PCCA: variants seen among roughly 807,000 people sequenced by gnomAD.
PCCA encodes the protein propionyl-CoA carboxylase subunit alpha.
A neutral mutation model predicts 101.3 loss-of-function variants in PCCA; 74 were observed. That is an observed-to-expected ratio of 0.73 (90% confidence interval 0.61 to 0.89). The LOEUF is 0.89. PCCA is among the 40% of genes least tolerant of loss of function. The pLI is 0.00. For synonymous variants in PCCA, 294 were observed against 313.6 expected (o/e 0.94, Z 0.66); for missense variants, 891 against 907.0 (o/e 0.98, Z 0.23).
intron 12 of PCCA, among the ~76,000 whole-genome samples, chr13:100,274,212 C>T (rs2063491466): frequency 6.6e-6 from 1 of 152,274 alleles, no homozygotes; most frequent in Non-Finnish European, 1.5e-5. Flanking sequence ...ACCTAAGCAG[C>T]ATTATTACTT....
At chr13:100,189,536 A>G (rs950498893) in intron 6 of PCCA, among the ~76,000 whole-genome samples, 40 of 151,974 alleles carry the variant, frequency 2.6e-4, no homozygotes, top group Middle Eastern at 6.8e-3. Context: ...GTTTTCTCCC[A>G]CTCTGTGGGT....
intron 4 of PCCA, among the ~76,000 whole-genome samples, chr13:100,130,267 C>G (rs2050372562): frequency 1.3e-5 from 2 of 152,234 alleles, no homozygotes; most frequent in Non-Finnish European, 2.9e-5. Flanking sequence ...TCCTTTGCTG[C>G]TTGTTCCTGC....
At chr13:100,425,530 G>A in intron 19 of PCCA, 103 bp from the exon 20 acceptor site, 1 of 778,928 alleles carries the variant, frequency 1.3e-6, no homozygotes. Flanking sequence ...GGTTGTTTGG[G>A]AGCCATCTGT....
intron 18 of PCCA, among the ~76,000 whole-genome samples, chr13:100,352,576 T>A (rs1392739650): frequency 6.6e-6 from 1 of 151,922 alleles, no homozygotes; most frequent in Non-Finnish European, 1.5e-5. Context: ...TATTTTTAAA[T>A]AGAGATGAGG....
At chr13:100,125,958 G>A (rs2049915483) in intron 4 of PCCA, among the ~76,000 whole-genome samples, 1 of 152,134 alleles carries the variant, frequency 6.6e-6, no homozygotes, top group African/African-American at 2.4e-5. Flanking sequence ...TGGGAGTTGT[G>A]GACTAATCAA....
chr13:100,426,039 T>C (rs1376499124), intron 20 of PCCA, among the ~76,000 whole-genome samples: 1 of 152,168 alleles, frequency 6.6e-6, no homozygotes, highest in African/African-American at 2.4e-5. Context: ...TGTGGGTTTT[T>C]AGTTGTAAAA....
chr13:100,228,145 A>G (rs1003537827), intron 7 of PCCA, among the ~76,000 whole-genome samples: 5 of 151,864 alleles, frequency 3.3e-5, no homozygotes, highest in African/African-American at 1.2e-4. Context: ...CCCCCGGAGT[A>G]GCTGGGATTA....
chr13:100,520,495 C>T (rs998104182), intron 22 of PCCA, among the ~76,000 whole-genome samples: 36 of 151,860 alleles, frequency 2.4e-4, no homozygotes, highest in Admixed American at 8.5e-4. Flanking sequence ...ATTAGCCGGG[C>T]GCAGTGGCGG....
chr13:100,305,232 C>T lies in PCCA; in HGVS notation c.1285-1960C>T, dbSNP rs370180775. The stretch of plus-strand genomic sequence containing the variant: ...GTGTTTATATATATCTTGATTTTAT[C>T]GTATGTATTTTAAAGTTAAGATGAC... On this transcript the variant is annotated intron_variant, in intron 14 of 23. Transcript: ENST00000376285. 9.9e-4 allele frequency among the ~76,000 whole-genome samples: 150 copies of T among 152,104 alleles called. 4 individuals carry two copies. The South Asian group carries it at 0.028, about 29-fold the overall frequency.
At chr13:100,352,184 A>G (rs1004519234) in intron 18 of PCCA, among the ~76,000 whole-genome samples, 1 of 152,176 alleles carries the variant, frequency 6.6e-6, no homozygotes, top group African/African-American at 2.4e-5. Context: ...TAATTATATT[A>G]AATGCAGATG....
intron 4 of PCCA, among the ~76,000 whole-genome samples, chr13:100,144,467 G>C (rs1425507560): frequency 1.3e-5 from 2 of 152,100 alleles, no homozygotes; most frequent in Admixed American, 1.3e-4. Context: ...TTTAGGACTG[G>C]TATGATCACT....
In PCCA at chr13:100,447,672, C is replaced by CAAA. The variant is rs548052967; in HGVS notation, c.1846-1569_1846-1567dup. Among the ~76,000 whole-genome samples, 8 of 134,558 alleles carry CAAA rather than the reference C, an allele frequency of 5.9e-5. No homozygotes were observed. In the South Asian group the frequency reaches 1.9e-3, roughly 32 times the overall value. The allele number at this position is 134,558 out of a possible 152,430, so 88.3% of individuals were successfully genotyped here. A position where few individuals can be genotyped will look rare whatever the true frequency, so the allele number is the denominator to read the frequency against. ...GGGTGACAAGAATGAAACTCTGTCT[C>CAAA]AAAAAAAAAAAAAGAAAGAAGTGAC... On this transcript the variant is annotated intron_variant, in intron 20 of 23. Coordinates refer to ENST00000376285, the MANE Select transcript of PCCA (RefSeq NM_000282.4).
intron 4 of PCCA, among the ~76,000 whole-genome samples, chr13:100,130,515 G>A (rs1194318438): frequency 6.6e-6 from 1 of 152,162 alleles, no homozygotes; most frequent in Admixed American, 6.5e-5. Context: ...AAGCACTCTC[G>A]AGGTGTGGGG....
intron 12 of PCCA, among the ~76,000 whole-genome samples, chr13:100,294,577 A>C (rs1290079685): frequency 6.6e-6 from 1 of 152,196 alleles, no homozygotes; most frequent in Non-Finnish European, 1.5e-5. Context: ...TCTATTCTAA[A>C]CATTCTGATT....
chr13:100,174,675 C>T (rs2152420567), intron 6 of PCCA, among the ~76,000 whole-genome samples: 1 of 148,126 alleles, frequency 6.8e-6, no homozygotes, highest in East Asian at 2.0e-4. Flanking sequence ...TTGCAGTGAG[C>T]CAAGATTGCA....
At chr13:100,156,710 T>G (rs1442743517) in intron 5 of PCCA, among the ~76,000 whole-genome samples, 1 of 152,164 alleles carries the variant, frequency 6.6e-6, no homozygotes, top group East Asian at 1.9e-4. Flanking sequence ...TCCATTTTAG[T>G]TCAGTTTGAT....
chr13:100,296,290 G>C (rs2065516908), intron 12 of PCCA, among the ~76,000 whole-genome samples: 1 of 151,530 alleles, frequency 6.6e-6, no homozygotes, highest in Non-Finnish European at 1.5e-5. Context: ...TCCCAGACTG[G>C]AGTGCAGTGG....
At chr13:100,449,520 T>C (rs1328748356) in intron 21 of PCCA, among the ~76,000 whole-genome samples, 1 of 152,242 alleles carries the variant, frequency 6.6e-6, no homozygotes, top group Non-Finnish European at 1.5e-5. Flanking sequence ...AGAGTCTCAC[T>C]GTGTTGCCCA....
chr13:100,096,877 T>C (rs778484353), intron 1 of PCCA, among the ~76,000 whole-genome samples: 2 of 151,788 alleles, frequency 1.3e-5, no homozygotes, highest in African/African-American at 2.4e-5. Flanking sequence ...GAAGCAGAGG[T>C]TGGTTCATGG....
Sources: gnomAD v4.1 joint callset for allele counts (sites outside exome capture counted in the v4.1 genomes callset) on GRCh38, gnomAD v4.1.1 for gene constraint, MANE v1.5 for transcripts, NCBI Gene and HGNC (gene_info 2026-07-23, HGNC 2026-07-21) for gene names.